The following MARCHF8 variants were observed in gnomAD, a reference collection of about 807,000 sequenced individuals.
The protein encoded by MARCHF8 is membrane associated ring-CH-type finger 8.
A neutral mutation model predicts 51.6 loss-of-function variants in MARCHF8; 40 were observed. The ratio of observed to expected loss-of-function variants is 0.77; its 90% confidence interval spans 0.60 to 1.01. The LOEUF is 1.01. Among genes scored for constraint, MARCHF8 ranks in the 50% least tolerant of loss-of-function variants. The pLI is 0.00. For missense variants in MARCHF8, 685 were observed against 708.6 expected, an observed-to-expected ratio of 0.97 and a Z score of 0.38; for synonymous variants, 263 against 280.3, an observed-to-expected ratio of 0.94 and a Z score of 0.62.
At chr10:45,520,082 C>T (rs960027988) in intron 2 of MARCHF8, among the ~76,000 whole-genome samples, 1 of 152,164 alleles carries the variant, frequency 6.6e-6, no homozygotes, top group African/African-American at 2.4e-5. Context: ...TTATCACATA[C>T]CCAACCTTTT....
upstream of MARCHF8, among the ~76,000 whole-genome samples, chr10:45,535,960 T>C (rs2043965280): frequency 6.6e-6 from 1 of 152,216 alleles, no homozygotes; most frequent in Non-Finnish European, 1.5e-5. Flanking sequence ...GAAGATTTAA[T>C]ATTGTTAAAA....
chr10:45,461,449 C>A (rs762836815), intron 5 of MARCHF8, 38 bp from the exon 6 acceptor site: 1 of 1,457,410 alleles, frequency 6.9e-7, no homozygotes, highest in Non-Finnish European at 9.1e-7. Context: ...CAAGGACAGT[C>A]CCATGACAGG....
At chr10:45,539,118 C>A (rs2044015569), upstream of MARCHF8, among the ~76,000 whole-genome samples, 1 of 152,222 alleles carries the variant, frequency 6.6e-6, no homozygotes, top group South Asian at 2.1e-4. Flanking sequence ...AACAAACTGT[C>A]TCTCAGACCA....
At chr10:45,584,192 C>T (rs1053481375) in intron 1 of MARCHF8, among the ~76,000 whole-genome samples, 3 of 138,444 alleles carry the variant, frequency 2.2e-5, no homozygotes, top group African/African-American at 8.0e-5. Context: ...CACACATTCA[C>T]AAGAACTAAG....
intron 2 of MARCHF8, among the ~76,000 whole-genome samples, chr10:45,519,286 G>A (rs866072991): frequency 6.6e-6 from 1 of 152,144 alleles, no homozygotes; most frequent in Non-Finnish European, 1.5e-5. Flanking sequence ...TAACAGATAT[G>A]ACTATGTGGC....
At chr10:45,573,024 C>A (rs1192162856) in intron 1 of MARCHF8, among the ~76,000 whole-genome samples, 5 of 152,104 alleles carry the variant, frequency 3.3e-5, no homozygotes, top group African/African-American at 1.2e-4. Flanking sequence ...GTGGCTGGAG[C>A]TAAAGGCATA....
At chr10:45,464,202 C>T (rs774529780) in intron 4 of MARCHF8, 37 bp downstream of exon 4, 2 of 1,600,382 alleles carry the variant, frequency 1.2e-6, no homozygotes, top group South Asian at 1.1e-5. Context: ...TTTCTGGCTG[C>T]ACACTGATCA....
intron 1 of MARCHF8, among the ~76,000 whole-genome samples, chr10:45,591,632 T>G (rs993019433): frequency 2.6e-5 from 4 of 152,198 alleles, no homozygotes; most frequent in African/African-American, 9.7e-5. Flanking sequence ...ACACATTTAA[T>G]AAACATTTTT....
intron 2 of MARCHF8, among the ~76,000 whole-genome samples, chr10:45,508,161 G>C (rs2043422533): frequency 6.6e-6 from 1 of 152,020 alleles, no homozygotes; most frequent in Non-Finnish European, 1.5e-5. Context: ...AGGCACCTAT[G>C]ATCTGATTCC....
chr10:45,472,949 C>A (rs2042721112), intron 3 of MARCHF8, among the ~76,000 whole-genome samples: 1 of 152,188 alleles, frequency 6.6e-6, no homozygotes, highest in South Asian at 2.1e-4. Flanking sequence ...CTGTTTTCTT[C>A]AGAATAAATT....
At chr10:45,554,649 G>A (rs555139493) in intron 1 of MARCHF8, among the ~76,000 whole-genome samples, 8 of 152,240 alleles carry the variant, frequency 5.3e-5, no homozygotes, top group Non-Finnish European at 8.8e-5. Flanking sequence ...ACCAGGTGCA[G>A]TGGCTCATGC....
At chr10:45,538,276 T>C (rs1400624764), upstream of MARCHF8, among the ~76,000 whole-genome samples, 3 of 152,156 alleles carry the variant, frequency 2.0e-5, no homozygotes, top group African/African-American at 4.8e-5. Context: ...CTGAGAGATT[T>C]TGTCACCACC....
At chr10:45,548,890 G>A (rs979748623) in intron 1 of MARCHF8, among the ~76,000 whole-genome samples, 9 of 151,764 alleles carry the variant, frequency 5.9e-5, no homozygotes, top group African/African-American at 2.2e-4. Context: ...AGCTACTCAG[G>A]AGGCTGAGGC....
intron 1 of MARCHF8, among the ~76,000 whole-genome samples, chr10:45,586,202 T>C (rs1056382388): frequency 1.3e-5 from 2 of 152,266 alleles, no homozygotes; most frequent in African/African-American, 2.4e-5. Flanking sequence ...AAGTTCTCTT[T>C]TGCTCCTCTG....
chr10:45,555,758 AG>A (rs374855758), intron 1 of MARCHF8, among the ~76,000 whole-genome samples: 2,266 of 148,950 alleles, frequency 0.015, 45 homozygotes, highest in African/African-American at 0.054. Flanking sequence ...AAAAAAAAAA[AG>A]AAAAAGAAAA....
intron 1 of MARCHF8, among the ~76,000 whole-genome samples, chr10:45,564,981 C>G (rs549592686): frequency 5.5e-5 from 6 of 109,344 alleles, no homozygotes; most frequent in African/African-American, 2.0e-4. Context: ...AAACTAGGAT[C>G]CACTAAAAAA....
intron 1 of MARCHF8, among the ~76,000 whole-genome samples, chr10:45,573,326 A>G (rs1407438264): frequency 1.3e-5 from 2 of 152,196 alleles, no homozygotes; most frequent in East Asian, 1.9e-4. Context: ...GTACAATAAT[A>G]AAGTAGAGGC....
chr10:45,565,739 C>T lies in MARCHF8; in HGVS notation c.-79+28496G>A, dbSNP rs184756702. Reference sequence around the variant, plus strand: ...TCTCCTTATTCATAGTAGTTATGCTCTATAAAGTCATCATGAACACTGAGT... The same window carrying T: ...TCTCCTTATTCATAGTAGTTATGCTTTATAAAGTCATCATGAACACTGAGT... On this transcript the variant is annotated intron_variant, in intron 1 of 6. Transcript: ENST00000319836. Among the ~76,000 whole-genome samples, 12 of 152,236 alleles carry T rather than the reference C, an allele frequency of 7.9e-5. No homozygotes were observed. The East Asian group carries it at 2.3e-3, about 29-fold the overall frequency.
chr10:45,511,559 C>T (rs1012686659), intron 2 of MARCHF8, among the ~76,000 whole-genome samples: 3 of 152,246 alleles, frequency 2.0e-5, no homozygotes, highest in Non-Finnish European at 2.9e-5. Flanking sequence ...AGGCGCGCGC[C>T]GCCACACCTG....
Sources: allele counts gnomAD v4.1 joint callset (sites outside exome capture counted in the v4.1 genomes callset), GRCh38; gene constraint gnomAD v4.1.1; transcripts MANE v1.5; gene names NCBI Gene and HGNC (gene_info 2026-07-23, HGNC 2026-07-21).